The following STK32B variants were observed in gnomAD, a reference collection of about 807,000 sequenced individuals.
STK32B encodes serine/threonine kinase 32B.
A neutral mutation model predicts 52.6 loss-of-function variants in STK32B; 43 were observed. The ratio of observed to expected loss-of-function variants is 0.82; its 90% confidence interval spans 0.64 to 1.05. The LOEUF is 1.05. Among genes scored for constraint, STK32B ranks in the 50% least tolerant of loss-of-function variants. The probability of loss-of-function intolerance (pLI) is 0.00; values close to 1 mark genes in which losing one functional copy is unlikely to be tolerated. For synonymous variants in STK32B, 238 were observed against 204.3 expected (o/e 1.17, Z -1.41); for missense variants, 621 against 534.6 (o/e 1.16, Z -1.59).
At chr4:5,039,455 A>G in the STK32B span, among the ~76,000 whole-genome samples, 1 of 152,212 alleles carries the variant, frequency 6.6e-6, no homozygotes, top group Non-Finnish European at 1.5e-5. Flanking sequence ...CTCACTGGAC[A>G]GTCTTAGGGG....
intron 3 of STK32B, among the ~76,000 whole-genome samples, chr4:5,265,968 T>A (rs1429340725): frequency 6.6e-6 from 1 of 152,238 alleles, no homozygotes; most frequent in Non-Finnish European, 1.5e-5. Flanking sequence ...TATTAAATTA[T>A]GAGCATCTTT....
chr4:5,111,199 T>A (rs1023052206), intron 1 of STK32B, among the ~76,000 whole-genome samples: 2 of 152,092 alleles, frequency 1.3e-5, no homozygotes, highest in Non-Finnish European at 1.5e-5. Flanking sequence ...TGGGAAACAG[T>A]ATAAAGATTT....
intron 1 of STK32B, among the ~76,000 whole-genome samples, chr4:5,139,317 G>C (rs1015950053): frequency 6.6e-6 from 1 of 152,182 alleles, no homozygotes; most frequent in South Asian, 2.1e-4. Flanking sequence ...GAACCTCCAT[G>C]AGGACCTGAG....
chr4:5,351,933 A>C (rs551886881), intron 4 of STK32B, among the ~76,000 whole-genome samples: 1 of 152,204 alleles, frequency 6.6e-6, no homozygotes, highest in Non-Finnish European at 1.5e-5. Context: ...ACCAACAGCA[A>C]GTAATGATAT....
chr4:5,370,288 T>C (rs1055488423), intron 4 of STK32B, among the ~76,000 whole-genome samples: 22 of 152,232 alleles, frequency 1.4e-4, no homozygotes, highest in Admixed American at 4.6e-4. Flanking sequence ...GGTATTATCA[T>C]TGGCTGACTT....
chr4:5,267,132 C>CG (rs1560273117), intron 3 of STK32B, among the ~76,000 whole-genome samples: 4 of 151,938 alleles, frequency 2.6e-5, no homozygotes, highest in African/African-American at 7.3e-5. Context: ...GCATTGTTTG[C>CG]AAAGAGAAAA....
At chr4:5,204,726 C>T (rs1301011139) in intron 3 of STK32B, among the ~76,000 whole-genome samples, 1 of 152,094 alleles carries the variant, frequency 6.6e-6, no homozygotes, top group African/African-American at 2.4e-5. Flanking sequence ...CCTCAGCCTC[C>T]CAAAGTGCTG....
chr4:5,493,847 A>T (rs1326386887), intron 11 of STK32B, among the ~76,000 whole-genome samples: 3 of 152,380 alleles, frequency 2.0e-5, no homozygotes, highest in Non-Finnish European at 4.4e-5. Context: ...CCCAGTAGTC[A>T]TTCAGGAGCA....
intron 3 of STK32B, among the ~76,000 whole-genome samples, chr4:5,235,810 C>G (rs936227567): frequency 1.1e-4 from 16 of 152,216 alleles, no homozygotes; most frequent in African/African-American, 3.4e-4. Flanking sequence ...GCACAACTTT[C>G]TCCTCCTGAA....
intron 3 of STK32B, among the ~76,000 whole-genome samples, chr4:5,287,820 G>C (rs751354064): frequency 6.6e-6 from 1 of 152,094 alleles, no homozygotes. Flanking sequence ...CAATTCAGGA[G>C]TTTTTAATAT....
intron 1 of STK32B, among the ~76,000 whole-genome samples, chr4:5,062,027 AC>A (rs1484275778): frequency 6.6e-6 from 1 of 152,170 alleles, no homozygotes; most frequent in Non-Finnish European, 1.5e-5. Context: ...TTACAGTTTT[AC>A]TTAGCAGGAA....
intron 3 of STK32B, among the ~76,000 whole-genome samples, chr4:5,322,485 C>T (rs191873661): frequency 3.3e-5 from 5 of 152,298 alleles, no homozygotes; most frequent in Non-Finnish European, 5.9e-5. Flanking sequence ...ACAGTAAAAA[C>T]ACAGGAGATG....
At chr4:5,476,022 G>A (rs1484054430) in intron 11 of STK32B, among the ~76,000 whole-genome samples, 2 of 151,862 alleles carry the variant, frequency 1.3e-5, no homozygotes, top group Admixed American at 6.6e-5. Flanking sequence ...AGCCTCCCAA[G>A]TAGCTGGGAT....
intron 1 of STK32B, among the ~76,000 whole-genome samples, chr4:5,125,508 G>A (rs1455969666): frequency 6.6e-6 from 1 of 152,180 alleles, no homozygotes; most frequent in Non-Finnish European, 1.5e-5. Context: ...AGCACCTGGT[G>A]TGGGTGGGCG....
chr4:5,154,522 A>C (rs989908963), intron 2 of STK32B, among the ~76,000 whole-genome samples: 2 of 152,142 alleles, frequency 1.3e-5, no homozygotes, highest in South Asian at 4.1e-4. Context: ...ACTGGTTTCC[A>C]TGTCTTCTTG....
chr4:5,234,981 T>C (rs1724526535), intron 3 of STK32B, among the ~76,000 whole-genome samples: 1 of 152,218 alleles, frequency 6.6e-6, no homozygotes, highest in Non-Finnish European at 1.5e-5. Context: ...GAACTTTCCA[T>C]AAACCAAGCA....
chr4:5,218,825 C>A (rs182933975), intron 3 of STK32B, among the ~76,000 whole-genome samples: 1 of 152,310 alleles, frequency 6.6e-6, no homozygotes, highest in Admixed American at 6.5e-5. Flanking sequence ...CGTGCTCTTG[C>A]CAGGCACGTG....
intron 3 of STK32B, among the ~76,000 whole-genome samples, chr4:5,321,318 C>T (rs1344019906): frequency 6.6e-6 from 1 of 152,162 alleles, no homozygotes; most frequent in East Asian, 1.9e-4. Flanking sequence ...AAGCACTTAG[C>T]ATATGTGAGT....
intron 1 of STK32B, among the ~76,000 whole-genome samples, chr4:5,085,355 A>C (rs989002571): frequency 2.0e-5 from 3 of 152,186 alleles, no homozygotes; most frequent in Non-Finnish European, 4.4e-5. Flanking sequence ...CTTGAAGCTG[A>C]ATAGGATTGA....
Sources: gnomAD v4.1 joint callset for allele counts (sites outside exome capture counted in the v4.1 genomes callset) on GRCh38, gnomAD v4.1.1 for gene constraint, MANE v1.5 for transcripts, NCBI Gene and HGNC (gene_info 2026-07-23, HGNC 2026-07-21) for gene names.